Variants in TMEM269 observed in about 807,000 individuals in gnomAD.
TMEM269 encodes the protein transmembrane protein 269.
TMEM269 carries 12 observed loss-of-function variants against 15.8 expected under a neutral mutation model. The ratio of observed to expected loss-of-function variants is 0.76; its 90% CI spans 0.49 to 1.23. The LOEUF is 1.23. Among genes scored for constraint, TMEM269 ranks in the 50% most tolerant of loss-of-function variants. TMEM269 has a pLI of 0.00. For synonymous variants in TMEM269, 93 were observed against 99.3 expected (o/e 0.94, Z 0.38); for missense variants, 211 against 245.4 (o/e 0.86, Z 0.94).
intron 2 of TMEM269, among the ~76,000 whole-genome samples, 187 bp downstream of exon 2, chr1:42,790,121 G>A (rs1327890978): frequency 6.6e-6 from 1 of 152,166 alleles, no homozygotes; most frequent in Non-Finnish European, 1.5e-5. Flanking sequence ...TTCCAGCTAT[G>A]GCAGTCTAGA....
At chr1:42,792,927 A>G (rs766547510) in intron 3 of TMEM269, 25 bp downstream of exon 3, 22 of 1,525,096 alleles carry the variant, frequency 1.4e-5, no homozygotes, top group Non-Finnish European at 1.4e-5. Flanking sequence ...CAGGCCCCTA[A>G]TCCTTGCCCC....
intron 2 of TMEM269, among the ~76,000 whole-genome samples, chr1:42,790,629 CATT>C (rs1653667731): frequency 7.0e-6 from 1 of 143,814 alleles, no homozygotes; most frequent in South Asian, 2.2e-4. Flanking sequence ...GATGAGGTCT[CATT>C]ATATTGCCCA....
intron 4 of TMEM269, 127 bp downstream of exon 4, chr1:42,793,871 C>T (rs1322891841): frequency 2.6e-5 from 30 of 1,159,298 alleles, no homozygotes; most frequent in Non-Finnish European, 3.2e-5. Flanking sequence ...TTCCTCCTTG[C>T]GTGCCCCATG....
intron 2 of TMEM269, among the ~76,000 whole-genome samples, chr1:42,792,184 AG>A (rs1023798106): frequency 1.2e-4 from 18 of 152,292 alleles, no homozygotes; most frequent in African/African-American, 4.1e-4. Context: ...AAATGAAACA[AG>A]GGCCATTACT....
Position 42,797,105 on chromosome 1 carries a change from G to A in TMEM269, c.485-993G>A, listed in dbSNP as rs1653802825. ...ATGTACACATCTAGCAGAATGTCTA[G>A]TGCAAAATAGATATTCCACAAACGT... is the stretch of plus-strand genomic sequence containing the variant. On this transcript the variant is annotated intron_variant, in intron 5 of 5. Transcript: ENST00000637012. The surrounding 1 kb of genome is among the most constrained non-coding windows in gnomAD (Gnocchi z 4.9). 1.3e-5 allele frequency among the ~76,000 whole-genome samples: 2 copies of A among 152,142 alleles called. No individual in the cohort carries two copies. The highest frequency in any genetic ancestry group is 1.3e-4 in the Admixed American group (2 of 15,268).
In TMEM269 at chr1:42,798,195, C is replaced by T. The variant is rs987265241; in HGVS notation, c.582C>T (p.Gly194=). The T allele has an allele frequency of 6.5e-7, 1 of 1,548,552 alleles. No homozygotes were observed. The highest frequency in any genetic ancestry group is 8.7e-7 in the Non-Finnish European group (1 of 1,147,032). The change falls in exon 6 of 6, where the codon GGC becomes GGT. Residue 194 remains glycine, a synonymous_variant. Coordinates refer to ENST00000637012, the MANE Select transcript of TMEM269 (RefSeq NM_001354602.2). ...SYIFFPDALW[G]KAACLSPQH ...TCTTCTTTCCAGATGCTCTGTGGGG[C>T]AAGGCAGCCTGTCTTTCGCCACAGC... is the stretch of plus-strand genomic sequence containing the variant.
At chr1:42,785,282 A>G (rs1227258059) in intron 1 of TMEM269, among the ~76,000 whole-genome samples, 200 bp downstream of exon 1, 1 of 152,154 alleles carries the variant, frequency 6.6e-6, no homozygotes, top group Non-Finnish European at 1.5e-5. Flanking sequence ...CCTCCAGGAA[A>G]GGAGCGGGGG....
Position 42,792,823 on chromosome 1 carries a change from C to T in TMEM269, c.60C>T (p.Ser20=), listed in dbSNP as rs1653721399. 3 of 1,550,474 alleles carry T rather than the reference C, an allele frequency of 1.9e-6. No individual in the cohort carries two copies. In the African/African-American group the frequency reaches 4.1e-5, roughly 21 times the overall value. ...FSFSRKCHYA[S]RMLLVSFLLD... ...ACTTTAGGAAATGCCACTATGCCTC[C>T]CGGATGCTCCTGGTCAGCTTCCTGT... is the stretch of plus-strand genomic sequence containing the variant. Residue 20 remains serine (S), a synonymous_variant, in exon 3 of 6, where the codon TCC becomes TCT. Coordinates refer to ENST00000637012, the MANE Select transcript of TMEM269 (RefSeq NM_001354602.2).
chr1:42,787,663 G>A (rs990456238), intron 1 of TMEM269, among the ~76,000 whole-genome samples: 5 of 149,482 alleles, frequency 3.3e-5, no homozygotes, highest in Non-Finnish European at 7.4e-5. Flanking sequence ...AGCTCACAGG[G>A]CCAATGGAAA....
At chr1:42,794,735 A>T (rs1270092101) in intron 5 of TMEM269, 122 bp downstream of exon 5, 1 of 714,924 alleles carries the variant, frequency 1.4e-6, no homozygotes, top group Non-Finnish European at 2.4e-6. Context: ...ACTGATAATC[A>T]TCTGACATAT....
Position 42,794,408 on chromosome 1 carries a change from G to A in TMEM269, c.284-5G>A. Reference sequence around the variant, plus strand: ...GCAGCTAATCTCCAGCGTTCTTCCTGGCAGGAGTCCCCTCCACATACAAGG... The same window carrying A: ...GCAGCTAATCTCCAGCGTTCTTCCTAGCAGGAGTCCCCTCCACATACAAGG... On this transcript the variant is annotated splice_region_variant and splice_polypyrimidine_tract_variant and intron_variant, in intron 4 of 5. Transcript: ENST00000637012. The A allele has an allele frequency of 6.5e-7, 1 of 1,549,398 alleles. No homozygotes were observed. The highest frequency in any genetic ancestry group is 1.4e-5 in the African/African-American group (1 of 73,110).
At chr1:42,787,524 C>T (rs1037218189) in intron 1 of TMEM269, among the ~76,000 whole-genome samples, 56 of 145,262 alleles carry the variant, frequency 3.9e-4, no homozygotes, top group Non-Finnish European at 6.9e-4. Flanking sequence ...GGCGTGAACC[C>T]GGGAAGCGGA....
intron 4 of TMEM269, among the ~76,000 whole-genome samples, 162 bp downstream of exon 4, chr1:42,793,906 G>C (rs1274277266): frequency 6.6e-5 from 10 of 152,194 alleles, no homozygotes; most frequent in African/African-American, 2.4e-4. Context: ...AAGGCTGCAG[G>C]CTGCATTGGC....
chr1:42,790,470 A>G (rs1410763016), intron 2 of TMEM269, among the ~76,000 whole-genome samples: 2 of 152,144 alleles, frequency 1.3e-5, no homozygotes, highest in African/African-American at 2.4e-5. Context: ...ACAAAATAAG[A>G]TGACTTTACC....
At chr1:42,795,674 C>A (rs1230001843) in intron 5 of TMEM269, among the ~76,000 whole-genome samples, 1 of 152,206 alleles carries the variant, frequency 6.6e-6, no homozygotes, top group African/African-American at 2.4e-5. Flanking sequence ...CCTGGTCACA[C>A]TGGGGCCTTG....
At chr1:42,791,186 C>T (rs1653679175) in intron 2 of TMEM269, among the ~76,000 whole-genome samples, 1 of 152,164 alleles carries the variant, frequency 6.6e-6, no homozygotes, top group African/African-American at 2.4e-5. Flanking sequence ...CTGACAGATC[C>T]AACAGGCAGA....
At position 42,799,050 on chromosome 1, in the gene TMEM269, C is replaced by G. The variant is rs1196992517; in HGVS notation, c.*825C>G. On this transcript the variant is annotated 3_prime_UTR_variant, in exon 6 of 6. Coordinates refer to ENST00000637012, the MANE Select transcript of TMEM269 (RefSeq NM_001354602.2). ...TGAGCCACCGCGCCCGGCCTACATT[C>G]TGTATTTTAATAGTTCAAAGCTGCC... 1 of 151,962 alleles carries G rather than the reference C, an allele frequency of 6.6e-6. No homozygotes were observed. Among genetic ancestry groups the G allele is most frequent in the African/African-American group, 2.4e-5 (1 of 41,362 alleles). The allele number at this position is 151,962 out of a possible 1,614,324, so 9.4% of individuals were successfully genotyped here.
rs2124225871 is a variant in TMEM269 at position 42,798,130 on chromosome 1, C to T, written c.517C>T (p.Leu173=). 6.4e-7 allele frequency: 1 copy of T among 1,551,112 alleles called. No homozygotes were observed. The highest frequency in any genetic ancestry group is 2.4e-5 in the East Asian group (1 of 40,912). The change falls in exon 6 of 6, where the codon CTG becomes TTG. Residue 173 remains leucine (L), a synonymous_variant. Coordinates refer to ENST00000637012, the MANE Select transcript of TMEM269 (RefSeq NM_001354602.2). ...VIMLFFSPLS[L]SAFYCLMWSL... ...CATGCTGTTTTTCTCCCCATTGTCT[C>T]TGTCTGCTTTTTACTGCCTGATGTG...
chr1:42,798,585 T>C lies in TMEM269; in HGVS notation c.*360T>C, dbSNP rs17381650. On this transcript the variant is annotated 3_prime_UTR_variant, in exon 6 of 6. Coordinates refer to ENST00000637012, the MANE Select transcript of TMEM269 (RefSeq NM_001354602.2). ...GGAGTGAGAGCCTTCAGAACTGGTA[T>C]TGGCCTCAGCCTCAGCCCTGCCTGG... The C allele has an allele frequency of 0.086, 19,536 of 227,524 alleles. 1,130 individuals carry two copies. Among genetic ancestry groups the C allele is most frequent in the Non-Finnish European group, 0.12 (13,598 of 113,198 alleles). 14.1% of individuals were successfully genotyped at this position (227,524 alleles called of 1,614,324 possible).
Sources: gnomAD v4.1 joint callset for allele counts (sites outside exome capture counted in the v4.1 genomes callset) on GRCh38, gnomAD v4.1.1 for gene constraint, Gnocchi (gnomAD v3.1) non-coding constraint, MANE v1.5 for transcripts, NCBI Gene and HGNC (gene_info 2026-07-23, HGNC 2026-07-21) for gene names.